Variants in KNTC1 observed in about 807,000 individuals in gnomAD.
The protein encoded by KNTC1 is kinetochore-associated protein 1.
KNTC1 carries 253 observed loss-of-function variants against 314.4 expected under a neutral mutation model. That is an observed-to-expected ratio of 0.80 (90% CI 0.73 to 0.89). The LOEUF (loss-of-function observed/expected upper bound fraction) is 0.89, where lower values mean the gene tolerates loss of function less well. Ranked by LOEUF, KNTC1 falls within the 40% of genes least tolerant of loss-of-function variation. The probability of loss-of-function intolerance (pLI) is 0.00; values close to 1 mark genes in which losing one functional copy is unlikely to be tolerated. For missense variants in KNTC1, 2,475 were observed against 2,572.9 expected, an observed-to-expected ratio of 0.96 and a Z score of 0.82; for synonymous variants, 901 against 901.4, an observed-to-expected ratio of 1.00 and a Z score of 0.01.
chr12:122,598,421 CTTTT>C (rs11395342), intron 44 of KNTC1, among the ~76,000 whole-genome samples: 1 of 124,280 alleles, frequency 8.0e-6, no homozygotes, highest in Admixed American at 9.3e-5. Context: ...TTTTTCTTTT[CTTTT>C]TTTTTTTTTT....
At position 122,591,352 on chromosome 12, in the gene KNTC1, G is replaced by A. The variant is rs1194650449; in HGVS notation, c.4144G>A (p.Gly1382Ser). 5 of 1,600,790 alleles carry A rather than the reference G, an allele frequency of 3.1e-6. No individual in the cohort carries two copies. The African/African-American group carries it at 6.7e-5, about 21-fold the overall frequency. Residue 1382 changes from glycine to serine, a missense_variant, in exon 42 of 64, where the codon GGC (glycine) becomes AGC (serine). Coordinates refer to ENST00000333479, the MANE Select transcript of KNTC1 (RefSeq NM_014708.6). ...AATTTTTTAGGCAATATCTCTGGTGGGCTCTGAGCTGGCAAGTCTCTATCA... is the reference window on the plus strand; with the variant it reads ...AATTTTTTAGGCAATATCTCTGGTGAGCTCTGAGCTGGCAAGTCTCTATCA... ...YDKILAISLV[G>S]SELASLYQEI...
In KNTC1 at chr12:122,615,097, C is replaced by T. The variant is rs377145909; in HGVS notation, c.5973+11C>T. On this transcript the variant is annotated intron_variant, in intron 56 of 63. Coordinates refer to ENST00000333479, the MANE Select transcript of KNTC1 (RefSeq NM_014708.6). ...CTGGGCTTCAATATGGTAAGTAAGA[C>T]TCAATGCCCTCGACTAAGTATATTT... The T allele has an allele frequency of 3.1e-5, 49 of 1,566,960 alleles. No individual in the cohort carries two copies. The highest frequency in any genetic ancestry group is 1.0e-4 in the Admixed American group (6 of 58,986).
intron 2 of KNTC1, among the ~76,000 whole-genome samples, chr12:122,532,611 T>A (rs1439182163): frequency 1.3e-5 from 2 of 152,186 alleles, no homozygotes; most frequent in Non-Finnish European, 2.9e-5. Context: ...GTATAGAATC[T>A]TGGATTCTGG....
At chr12:122,540,235 C>A (rs181501230) in intron 5 of KNTC1, among the ~76,000 whole-genome samples, 1 of 149,844 alleles carries the variant, frequency 6.7e-6, no homozygotes, top group African/African-American at 2.5e-5. Flanking sequence ...TGCAATGGCA[C>A]GACCTCGGCT....
At chr12:122,581,322 C>G (rs1965412358) in intron 33 of KNTC1, among the ~76,000 whole-genome samples, 1 of 149,404 alleles carries the variant, frequency 6.7e-6, no homozygotes, top group African/African-American at 2.5e-5. Context: ...CCTCAGCCTT[C>G]CCAAGTAGCT....
intron 57 of KNTC1, among the ~76,000 whole-genome samples, chr12:122,618,020 T>C (rs1406277512): frequency 6.6e-6 from 1 of 152,194 alleles, no homozygotes; most frequent in Non-Finnish European, 1.5e-5. Context: ...AATACCTTTT[T>C]CGAGATGGAG....
At chr12:122,571,974 C>G (rs970956695) in intron 24 of KNTC1, among the ~76,000 whole-genome samples, 2 of 152,040 alleles carry the variant, frequency 1.3e-5, no homozygotes, top group African/African-American at 2.4e-5. Flanking sequence ...TCCTGGCCCC[C>G]CTCCACCTGT....
chr12:122,601,657 A>AT, intron 45 of KNTC1, 32 bp downstream of exon 45: 5 of 1,444,144 alleles, frequency 3.5e-6, no homozygotes, highest in Non-Finnish European at 4.6e-6. Context: ...TGTAAAAATC[A>AT]TCTTTCTGCT....
In KNTC1 at chr12:122,554,231, G is replaced by A. The variant is rs57745692; in HGVS notation, c.1272+2535G>A. ...CAGGCATGAGCCACCATGCCTGGCC[G>A]AAAAATATATATTTATTTTTATATA... On this transcript the variant is annotated intron_variant, in intron 16 of 63. Transcript: ENST00000333479. 5.8e-4 allele frequency among the ~76,000 whole-genome samples: 87 copies of A among 150,060 alleles called. 1 individual carries two copies. Among genetic ancestry groups the A allele is most frequent in the African/African-American group, 2.0e-3 (83 of 41,038 alleles).
rs138324455 is a variant in KNTC1, at chr12:122,591,737, T to A, written c.4245+284T>A. ...TAGTATCAATTGACATTTATGCTATTTCAGGCCTAGCCTTTAGCCTCATAC... is the reference window on the plus strand; with the variant it reads ...TAGTATCAATTGACATTTATGCTATATCAGGCCTAGCCTTTAGCCTCATAC... On this transcript the variant is annotated intron_variant, in intron 42 of 63. Coordinates refer to ENST00000333479, the MANE Select transcript of KNTC1 (RefSeq NM_014708.6). Among the ~76,000 whole-genome samples, 1,292 of 152,276 alleles carry A rather than the reference T, an allele frequency of 8.5e-3. 17 individuals are homozygous for A. Among genetic ancestry groups the A allele is most frequent in the African/African-American group, 0.03 (1,249 of 41,536 alleles).
intron 22 of KNTC1, among the ~76,000 whole-genome samples, chr12:122,570,066 AT>A (rs1179706904): frequency 6.6e-6 from 1 of 152,206 alleles, no homozygotes; most frequent in Non-Finnish European, 1.5e-5. Context: ...AAAGACTAAC[AT>A]CACATGTTCT....
chr12:122,575,662 A>G lies in KNTC1; in HGVS notation c.2486+16A>G, dbSNP rs776639561. 8.4e-6 allele frequency: 13 copies of G among 1,552,816 alleles called. No individual in the cohort carries two copies. In the African/African-American group the frequency reaches 1.5e-4, roughly 18 times the overall value. ...ACCATCCCAAGTAAGATGACTGTCT[A>G]CGAAACAATGTTGTTATGCTCTGGA... On this transcript the variant is annotated intron_variant, in intron 28 of 63. Coordinates refer to ENST00000333479, the MANE Select transcript of KNTC1 (RefSeq NM_014708.6).
In KNTC1 at chr12:122,584,289, A is replaced by T; in HGVS notation, c.3275A>T (p.Lys1092Met). ...TALKKCSDLF[K>M]YHCNADTGKL... is the part of the protein sequence containing the mutation. ...TCTTTCTTCCAAAGCGACTTGTTTA[A>T]GTATCACTGCAATGCTGACACTGGG... Residue 1092 changes from lysine (K) to methionine (M), a missense_variant, in exon 35 of 64, where the codon AAG becomes ATG. Transcript: ENST00000333479. 1 of 1,610,266 alleles carries T rather than the reference A, an allele frequency of 6.2e-7. No individual in the cohort carries two copies. Among genetic ancestry groups the T allele is most frequent in the Non-Finnish European group, 8.5e-7 (1 of 1,177,836 alleles).
At chr12:122,612,397 GTTTTCT>G (rs202047595) in intron 53 of KNTC1, among the ~76,000 whole-genome samples, 41,653 of 142,280 alleles carry the variant, frequency 0.29, 7,288 homozygotes, top group Non-Finnish European at 0.37. Flanking sequence ...TTTGTCTTTG[GTTTTCT>G]TTTTCTTTTT....
At chr12:122,550,071 T>TA (rs1041053952) in intron 13 of KNTC1, among the ~76,000 whole-genome samples, 1 of 151,208 alleles carries the variant, frequency 6.6e-6, no homozygotes, top group Non-Finnish European at 1.5e-5. Context: ...GTCATCATAT[T>TA]AAAAAAAAAG....
In KNTC1 at chr12:122,551,409, C is replaced by A. The variant is rs774055719; in HGVS notation, c.1130+47C>A. ...TAAGTAATAGCTATGTTAAATTTTA[C>A]GTATTAATATTAAAAGACAAGCGCA... On this transcript the variant is annotated intron_variant, in intron 14 of 63. Coordinates refer to ENST00000333479, the MANE Select transcript of KNTC1 (RefSeq NM_014708.6). 1.5e-5 allele frequency: 23 copies of A among 1,557,894 alleles called. No individual in the cohort carries two copies. The South Asian group carries it at 2.7e-4, about 18-fold the overall frequency.
rs1869735475 is a variant in KNTC1 at position 122,588,787 on chromosome 12, A to G, written c.3970A>G (p.Arg1324Gly). The change falls in exon 40 of 64, where the codon AGG (arginine) becomes GGG (glycine). Residue 1324 changes from arginine (R) to glycine (G), a missense_variant. Transcript: ENST00000333479. ...ELKEKAVIFIRENATTLLHKV... is the reference protein window; with the variant it reads ...ELKEKAVIFIGENATTLLHKV... The stretch of plus-strand genomic sequence containing the variant: ...GAAAGAAAAAGCTGTTATATTTATC[A>G]GGGAAAATGCTACAACACTACTGCA... 6.4e-7 allele frequency: 1 copy of G among 1,564,448 alleles called. No homozygotes were observed. Among genetic ancestry groups the G allele is most frequent in the African/African-American group, 1.4e-5 (1 of 73,686 alleles).
chr12:122,561,531 G>A (rs1963978516), intron 18 of KNTC1, among the ~76,000 whole-genome samples: 2 of 151,750 alleles, frequency 1.3e-5, no homozygotes, highest in South Asian at 4.1e-4. Flanking sequence ...TCGGCTCATG[G>A]CAACCTCAGC....
At chr12:122,609,887 ACT>A in intron 52 of KNTC1, among the ~76,000 whole-genome samples, 1 of 152,092 alleles carries the variant, frequency 6.6e-6, no homozygotes, top group African/African-American at 2.4e-5. Flanking sequence ...TCTTGAGAAG[ACT>A]CTATCTGGGC....
Sources: allele counts gnomAD v4.1 joint callset (sites outside exome capture counted in the v4.1 genomes callset), GRCh38; gene constraint gnomAD v4.1.1; transcripts MANE v1.5; gene names NCBI Gene and HGNC (gene_info 2026-07-23, HGNC 2026-07-21).